DOCK2: variants seen among roughly 807,000 people sequenced by gnomAD.
The protein encoded by DOCK2 is dedicator of cytokinesis protein 2.
In DOCK2, 87 loss-of-function variants were observed where a neutral mutation model predicts 248.9. The ratio of observed to expected loss-of-function variants is 0.35; its 90% CI spans 0.29 to 0.42. The LOEUF is 0.42. Among genes scored for constraint, DOCK2 ranks in the 10% least tolerant of loss-of-function variants. DOCK2 has a pLI of 1.00. For synonymous variants in DOCK2, 805 were observed against 821.6 expected (o/e 0.98, Z 0.35); for missense variants, 1,747 against 2,300.2 (o/e 0.76, Z 4.92).
At chr5:169,776,870 C>T (rs1381802683) in intron 25 of DOCK2, among the ~76,000 whole-genome samples, 5 of 152,174 alleles carry the variant, frequency 3.3e-5, no homozygotes, top group African/African-American at 7.2e-5. Context: ...CCTAGCAATG[C>T]GGAACTGTGA....
intron 34 of DOCK2, among the ~76,000 whole-genome samples, chr5:170,032,495 A>G (rs58204083): frequency 0.1 from 15,497 of 152,102 alleles, 1,297 homozygotes; most frequent in East Asian, 0.43. Flanking sequence ...AGGGCTGAGA[A>G]CCTCAGGTCT....
intron 9 of DOCK2, among the ~76,000 whole-genome samples, chr5:169,690,725 T>G (rs867432761): frequency 3.9e-5 from 6 of 152,188 alleles, no homozygotes; most frequent in Non-Finnish European, 8.8e-5. Flanking sequence ...AATCAATCAG[T>G]GGTTCATTTT....
intron 27 of DOCK2, among the ~76,000 whole-genome samples, chr5:169,867,695 A>G (rs1771677023): frequency 6.6e-6 from 1 of 152,078 alleles, no homozygotes; most frequent in Admixed American, 6.6e-5. Flanking sequence ...CCCCACACAC[A>G]TAGATCGCAC....
chr5:169,971,844 T>C (rs1056690478), intron 27 of DOCK2, among the ~76,000 whole-genome samples: 1 of 152,228 alleles, frequency 6.6e-6, no homozygotes, highest in South Asian at 2.1e-4. Context: ...CTCTCGTAGT[T>C]ACCCATGAAC....
At chr5:169,868,254 G>T (rs952574358) in intron 27 of DOCK2, among the ~76,000 whole-genome samples, 1 of 152,162 alleles carries the variant, frequency 6.6e-6, no homozygotes, top group African/African-American at 2.4e-5. Flanking sequence ...AGTAACAATT[G>T]CTTTCAAAAT....
Position 169,996,212 on chromosome 5 carries a change from C to G in DOCK2, c.3072+48C>G. The G allele has an allele frequency of 2.5e-6, 4 of 1,581,230 alleles. No individual in the cohort carries two copies. In the South Asian group the frequency reaches 4.5e-5, roughly 18 times the overall value. Reference sequence around the variant, plus strand: ...ACCCTTGGAGCTGCCCAGGGCGTCTCTGACATTCTGGGCTGATTGCTCCAT... The same window carrying G: ...ACCCTTGGAGCTGCCCAGGGCGTCTGTGACATTCTGGGCTGATTGCTCCAT... On this transcript the variant is annotated intron_variant, in intron 30 of 51. Coordinates refer to ENST00000520908, the MANE Select transcript of DOCK2 (RefSeq NM_004946.3).
chr5:169,967,757 T>C (rs1297730633), intron 27 of DOCK2, among the ~76,000 whole-genome samples: 1 of 152,152 alleles, frequency 6.6e-6, no homozygotes. Context: ...GTACTGATGA[T>C]GGTAGCGTCA....
At chr5:169,883,094 G>A in intron 27 of DOCK2, 1 of 1,551,618 alleles carries the variant, frequency 6.4e-7, no homozygotes, top group Non-Finnish European at 8.7e-7. Flanking sequence ...TCTGTGCCTG[G>A]TGTGTGGCTG....
chr5:169,876,744 T>C (rs1451210448), intron 27 of DOCK2, among the ~76,000 whole-genome samples: 1 of 152,252 alleles, frequency 6.6e-6, no homozygotes, highest in African/African-American at 2.4e-5. Context: ...GAATATTTGC[T>C]TAATCCTTCA....
intron 27 of DOCK2, chr5:169,875,365 G>C: frequency 2.2e-6 from 1 of 455,988 alleles, no homozygotes; most frequent in East Asian, 7.0e-5. Context: ...CGCTTTGGGA[G>C]CACTGTCTAG....
chr5:169,819,480 T>C (rs1421845350), intron 26 of DOCK2, among the ~76,000 whole-genome samples: 1 of 151,972 alleles, frequency 6.6e-6, no homozygotes, highest in Non-Finnish European at 1.5e-5. Flanking sequence ...AATTAGCTGG[T>C]CATGGTAGCA....
chr5:169,963,788 A>T (rs1333512982), intron 27 of DOCK2, among the ~76,000 whole-genome samples: 1 of 152,018 alleles, frequency 6.6e-6, no homozygotes, highest in Non-Finnish European at 1.5e-5. Flanking sequence ...ATGCTCTCTA[A>T]GGCCCTGGCT....
intron 27 of DOCK2, among the ~76,000 whole-genome samples, chr5:169,945,265 A>G (rs59931208): frequency 0.02 from 3,012 of 152,364 alleles, 106 homozygotes; most frequent in African/African-American, 0.066. Context: ...ACGGGTCAAT[A>G]ATACCATACT....
chr5:169,824,618 T>C (rs1768720829), intron 26 of DOCK2, among the ~76,000 whole-genome samples: 1 of 152,246 alleles, frequency 6.6e-6, no homozygotes, highest in Non-Finnish European at 1.5e-5. Context: ...ATACAAAAAT[T>C]AATTCAAGAT....
At chr5:169,699,251 A>G (rs2113456953) in intron 11 of DOCK2, 131 bp from the exon 12 acceptor site, 1 of 720,166 alleles carries the variant, frequency 1.4e-6, no homozygotes. Context: ...TGGCATGTAT[A>G]TACCCTGGGC....
chr5:170,018,029 A>G (rs534594729), intron 32 of DOCK2, among the ~76,000 whole-genome samples: 2 of 152,346 alleles, frequency 1.3e-5, no homozygotes, highest in African/African-American at 2.4e-5. Flanking sequence ...GCTCAGTGCT[A>G]TAGACACAAT....
intron 27 of DOCK2, among the ~76,000 whole-genome samples, chr5:169,882,111 A>G (rs1772689343): frequency 6.6e-6 from 1 of 152,342 alleles, no homozygotes; most frequent in South Asian, 2.1e-4. Context: ...GAAGGTCAAT[A>G]GTAAGCTGAG....
At chr5:170,019,237 A>T (rs1224817257) in intron 33 of DOCK2, 129 bp downstream of exon 33, 1 of 1,403,498 alleles carries the variant, frequency 7.1e-7, no homozygotes, top group Non-Finnish European at 9.8e-7. Flanking sequence ...ACATTTATTC[A>T]TGGGTCCGGA....
intron 34 of DOCK2, among the ~76,000 whole-genome samples, chr5:170,028,740 A>AACACACAC (rs59193270): frequency 7.4e-5 from 11 of 148,756 alleles, no homozygotes; most frequent in African/African-American, 2.2e-4. Context: ...CTGCTCTGCC[A>AACACACAC]ACACACACAC....
Sources: gnomAD v4.1 joint callset for allele counts (sites outside exome capture counted in the v4.1 genomes callset) on GRCh38, gnomAD v4.1.1 for gene constraint, MANE v1.5 for transcripts, NCBI Gene and HGNC (gene_info 2026-07-23, HGNC 2026-07-21) for gene names.